FOXP1: variants seen among roughly 807,000 people sequenced by gnomAD.
The protein encoded by FOXP1 is forkhead box P1, also known as forkhead box protein P1.
A neutral mutation model predicts 98.2 loss-of-function variants in FOXP1; 15 were observed. The observed-to-expected ratio is 0.15, with a 90% CI of 0.10 to 0.24. FOXP1 has a LOEUF of 0.24. Among genes scored for constraint, FOXP1 ranks in the 10% least tolerant of loss-of-function variants. FOXP1 has a pLI of 1.00. For synonymous variants in FOXP1, 371 were observed against 314.5 expected, an observed-to-expected ratio of 1.18 and a Z score of -1.90; for missense variants, 633 against 848.5, an observed-to-expected ratio of 0.75 and a Z score of 3.15.
intron 2 of FOXP1, among the ~76,000 whole-genome samples, chr3:71,512,835 C>T (rs183214704): frequency 6.6e-6 from 1 of 152,296 alleles, no homozygotes; most frequent in Admixed American, 6.5e-5. Flanking sequence ...GTGTTTATTT[C>T]AGACTTTCTG....
At chr3:71,089,268 G>A (rs1223486404) in intron 7 of FOXP1, among the ~76,000 whole-genome samples, 1 of 152,188 alleles carries the variant, frequency 6.6e-6, no homozygotes, top group African/African-American at 2.4e-5. Flanking sequence ...AAAGCCAGCT[G>A]CCACATCACA....
At chr3:71,248,083 G>T (rs1248994654) in intron 5 of FOXP1, among the ~76,000 whole-genome samples, 1 of 152,174 alleles carries the variant, frequency 6.6e-6, no homozygotes, top group Admixed American at 6.5e-5. Flanking sequence ...CCTCCTCTTG[G>T]ACTTGTCAAT....
intron 3 of FOXP1, among the ~76,000 whole-genome samples, chr3:71,462,535 G>A (rs574126913): frequency 3.3e-5 from 5 of 152,242 alleles, no homozygotes; most frequent in African/African-American, 4.8e-5. Flanking sequence ...TCCAGTCGCC[G>A]TTCAACTTTC....
intron 20 of FOXP1, among the ~76,000 whole-genome samples, chr3:70,964,700 T>C (rs1191930522): frequency 6.6e-6 from 1 of 152,192 alleles, no homozygotes; most frequent in African/African-American, 2.4e-5. Flanking sequence ...ACTCTTAAAA[T>C]GCTGTGAAGC....
intron 3 of FOXP1, among the ~76,000 whole-genome samples, chr3:71,365,159 T>A (rs2078834621): frequency 6.6e-6 from 1 of 152,216 alleles, no homozygotes; most frequent in East Asian, 1.9e-4. Flanking sequence ...CATTGACACA[T>A]AACACATTAA....
At chr3:71,219,568 T>A (rs2065200380) in intron 5 of FOXP1, among the ~76,000 whole-genome samples, 1 of 152,220 alleles carries the variant, frequency 6.6e-6, no homozygotes, top group African/African-American at 2.4e-5. Flanking sequence ...GTATTTCCAA[T>A]GAAATTTTAA....
intron 3 of FOXP1, among the ~76,000 whole-genome samples, chr3:71,443,872 T>C (rs2086172108): frequency 6.6e-6 from 1 of 152,180 alleles, no homozygotes. Context: ...AAATAACCTC[T>C]TCAACAGAAT....
chr3:70,976,547 T>C (rs1310300847), intron 17 of FOXP1, among the ~76,000 whole-genome samples: 2 of 152,226 alleles, frequency 1.3e-5, no homozygotes, highest in South Asian at 2.1e-4. Context: ...TTCTCCAGGT[T>C]CCATCTCTGG....
intron 19 of FOXP1, chr3:70,969,977 T>G (rs554755880): frequency 6.6e-6 from 1 of 152,336 alleles, no homozygotes; most frequent in Admixed American, 6.5e-5. Flanking sequence ...GACACTGGAG[T>G]AGCCTTCATT....
At chr3:71,255,877 T>G (rs2068580348) in intron 5 of FOXP1, among the ~76,000 whole-genome samples, 1 of 152,086 alleles carries the variant, frequency 6.6e-6, no homozygotes, top group African/African-American at 2.4e-5. Context: ...TAAATGAACA[T>G]GAAATTAAAC....
At chr3:71,126,064 G>C (rs1263659806) in intron 6 of FOXP1, among the ~76,000 whole-genome samples, 1 of 152,176 alleles carries the variant, frequency 6.6e-6, no homozygotes, top group Non-Finnish European at 1.5e-5. Flanking sequence ...TATAACTATA[G>C]ATTATGAAAG....
chr3:70,995,746 A>G (rs2041266503), intron 13 of FOXP1, among the ~76,000 whole-genome samples: 1 of 152,226 alleles, frequency 6.6e-6, no homozygotes, highest in South Asian at 2.1e-4. Context: ...GCCCACTGAG[A>G]TGTCTTCTTG....
intron 2 of FOXP1, among the ~76,000 whole-genome samples, chr3:71,510,737 T>C (rs1376946616): frequency 6.6e-6 from 1 of 152,234 alleles, no homozygotes; most frequent in African/African-American, 2.4e-5. Flanking sequence ...CCATTGCTCA[T>C]ATTTACATTT....
At chr3:71,048,024 T>G (rs2049274920) in intron 9 of FOXP1, among the ~76,000 whole-genome samples, 1 of 152,096 alleles carries the variant, frequency 6.6e-6, no homozygotes, top group Non-Finnish European at 1.5e-5. Context: ...GTACAATAAA[T>G]AGAAGGAAAT....
intron 7 of FOXP1, among the ~76,000 whole-genome samples, chr3:71,068,032 G>T (rs979450760): frequency 6.6e-6 from 1 of 151,188 alleles, no homozygotes; most frequent in Non-Finnish European, 1.5e-5. Context: ...TACCTGTGGT[G>T]GGGGGGAGGG....
At chr3:71,085,471 C>A (rs539739522) in intron 7 of FOXP1, among the ~76,000 whole-genome samples, 1 of 151,864 alleles carries the variant, frequency 6.6e-6, no homozygotes, top group African/African-American at 2.4e-5. Context: ...TTTTTTACTT[C>A]ACCCCATTAA....
rs145541761 is a variant in FOXP1 at position 71,368,157 on chromosome 3, C to T, written c.-167-8913G>A. Among the ~76,000 whole-genome samples the T allele has an allele frequency of 2.5e-3, 387 of 152,174 alleles. 3 individuals are homozygous for T. The highest frequency in any genetic ancestry group is 4.8e-3 in the Non-Finnish European group (325 of 68,014). On this transcript the variant is annotated intron_variant, in intron 3 of 20. Transcript: ENST00000649528. ...ATTTATTTTTTTAGATGGAGTTTCA[C>T]TCGGTTGCCCAGGCTGGAGTACAAT...
chr3:70,970,782 A>G lies in FOXP1; in HGVS notation c.1676T>C (p.Met559Thr). 1 of 1,613,976 alleles carries G rather than the reference A, an allele frequency of 6.2e-7. No homozygotes were observed. The highest frequency in any genetic ancestry group is 8.5e-7 in the Non-Finnish European group (1 of 1,179,808). Residue 559 changes from methionine to threonine, a missense_variant, in exon 19 of 21, where the codon ATG (methionine) becomes ACG (threonine). Physicochemically the swap from Met to Thr is moderately conservative, Grantham distance 81 (BLOSUM62 -1). Transcript: ENST00000649528. ...TGTGCAGTAGGCGTGGCTGCTCTGC[A>G]TGTTTTTAATAAGGGAAGGGTTACT... ...ISGNPSLIKN[M>T]QSSHAYCTPL... is the part of the protein sequence containing the mutation.
intron 7 of FOXP1, among the ~76,000 whole-genome samples, chr3:71,080,076 G>A (rs2054247674): frequency 6.6e-6 from 1 of 152,176 alleles, no homozygotes; most frequent in Non-Finnish European, 1.5e-5. Flanking sequence ...CACTAGTATG[G>A]ACCATACCTC....
Sources: gnomAD v4.1 joint callset for allele counts (sites outside exome capture counted in the v4.1 genomes callset) on GRCh38, gnomAD v4.1.1 for gene constraint, MANE v1.5 for transcripts, NCBI Gene and HGNC (gene_info 2026-07-23, HGNC 2026-07-21) for gene names.